The following CADM2 variants were observed in gnomAD, a reference collection of about 807,000 sequenced individuals.
CADM2 encodes immunoglobulin superfamily member 4D.
In CADM2, 12 loss-of-function variants were observed where a neutral mutation model predicts 49.8. The observed-to-expected ratio is 0.24, with a 90% CI of 0.15 to 0.39. CADM2 has a LOEUF of 0.39. Ranked by LOEUF, CADM2 falls within the 10% of genes least tolerant of loss-of-function variation. The pLI, the probability that CADM2 is intolerant of heterozygous loss-of-function variation, is 1.00. For synonymous variants in CADM2, 214 were observed against 175.4 expected (o/e 1.22, Z -1.74); for missense variants, 378 against 492.3 (o/e 0.77, Z 2.20).
intron 1 of CADM2, among the ~76,000 whole-genome samples, chr3:85,329,939 T>G (rs1223003135): frequency 1.3e-5 from 2 of 152,148 alleles, no homozygotes; most frequent in African/African-American, 4.8e-5. Flanking sequence ...GCAAGTACCA[T>G]GTCTCCTTAA....
chr3:85,791,144 A>T (rs2071298634), intron 2 of CADM2, among the ~76,000 whole-genome samples: 1 of 152,174 alleles, frequency 6.6e-6, no homozygotes. Flanking sequence ...AAGTGGAAAC[A>T]TTTTGCACTT....
chr3:85,753,094 C>T (rs1461595274), intron 2 of CADM2, among the ~76,000 whole-genome samples: 1 of 152,014 alleles, frequency 6.6e-6, no homozygotes, highest in Non-Finnish European at 1.5e-5. Context: ...TTTAACATGA[C>T]AGAATTTGTT....
chr3:85,999,997 A>T (rs1729965982), intron 8 of CADM2, among the ~76,000 whole-genome samples: 1 of 152,180 alleles, frequency 6.6e-6, no homozygotes, highest in Non-Finnish European at 1.5e-5. Flanking sequence ...TATATTGTTT[A>T]AAAAAGAGAA....
At chr3:85,065,343 C>G (rs1047317195) in intron 1 of CADM2, among the ~76,000 whole-genome samples, 2 of 151,840 alleles carry the variant, frequency 1.3e-5, no homozygotes, top group Admixed American at 1.3e-4. Flanking sequence ...GTTGCTATTC[C>G]ATTTTCAATT....
intron 3 of CADM2, among the ~76,000 whole-genome samples, chr3:85,811,589 A>G (rs2072881116): frequency 6.6e-6 from 1 of 152,170 alleles, no homozygotes; most frequent in African/African-American, 2.4e-5. Context: ...TTATCTTTTA[A>G]TCATGTGTGT....
At chr3:85,923,537 CAA>C (rs57230094) in intron 6 of CADM2, among the ~76,000 whole-genome samples, 2 of 136,692 alleles carry the variant, frequency 1.5e-5, no homozygotes, top group Non-Finnish European at 1.6e-5. Flanking sequence ...ATCATGAAAG[CAA>C]AAAAAAAAAA....
At chr3:85,778,049 G>A (rs1362364245) in intron 2 of CADM2, among the ~76,000 whole-genome samples, 2 of 152,106 alleles carry the variant, frequency 1.3e-5, no homozygotes, top group African/African-American at 4.8e-5. Context: ...GGCGACCTAG[G>A]ATATTCATAT....
At chr3:85,212,860 T>TCTCTCTC (rs1559723747) in intron 1 of CADM2, among the ~76,000 whole-genome samples, 5 of 114,926 alleles carry the variant, frequency 4.4e-5, no homozygotes, top group Non-Finnish European at 7.5e-5. Context: ...CTTTCTTTCT[T>TCTCTCTC]TCTTTCTTTC....
At chr3:85,404,839 G>A (rs969268107) in intron 1 of CADM2, among the ~76,000 whole-genome samples, 7 of 152,060 alleles carry the variant, frequency 4.6e-5, no homozygotes, top group African/African-American at 9.7e-5. Flanking sequence ...TAAAATTCAC[G>A]TGTTTTAAAG....
chr3:85,156,020 T>C (rs991173490), intron 1 of CADM2, among the ~76,000 whole-genome samples: 1 of 152,084 alleles, frequency 6.6e-6, no homozygotes, highest in Non-Finnish European at 1.5e-5. Context: ...TCCTGCCTAA[T>C]TGCCCTGGCC....
intron 6 of CADM2, among the ~76,000 whole-genome samples, chr3:85,924,006 G>T (rs949163693): frequency 6.6e-6 from 1 of 152,070 alleles, no homozygotes; most frequent in Non-Finnish European, 1.5e-5. Context: ...TGATGAGTTA[G>T]TGGTGAAGTA....
intron 1 of CADM2, among the ~76,000 whole-genome samples, chr3:85,723,325 C>A (rs1367549643): frequency 6.6e-6 from 1 of 152,086 alleles, no homozygotes; most frequent in Admixed American, 6.5e-5. Context: ...TTTATTTTAT[C>A]TATAAACAGT....
chr3:85,414,254 T>C (rs2035810277), intron 1 of CADM2, among the ~76,000 whole-genome samples: 2 of 152,120 alleles, frequency 1.3e-5, no homozygotes, highest in African/African-American at 4.8e-5. Flanking sequence ...AATTCCTCAG[T>C]TAATTAACAA....
At chr3:85,734,549 A>G (rs1559621465) in intron 2 of CADM2, among the ~76,000 whole-genome samples, 1 of 150,160 alleles carries the variant, frequency 6.7e-6, no homozygotes. Context: ...ATATATATAT[A>G]CATATATGAT....
chr3:85,381,593 T>C (rs1401775230), intron 1 of CADM2, among the ~76,000 whole-genome samples: 3 of 148,960 alleles, frequency 2.0e-5, no homozygotes, highest in Admixed American at 6.8e-5. Context: ...ATTCCTTATT[T>C]TTTTTTTTAT....
At chr3:85,173,205 A>G (rs1480293818) in intron 1 of CADM2, among the ~76,000 whole-genome samples, 2 of 151,674 alleles carry the variant, frequency 1.3e-5, no homozygotes, top group Non-Finnish European at 2.9e-5. Flanking sequence ...ATAGATAGAT[A>G]TGGGTATATA....
At chr3:85,485,916 C>T (rs997372831) in intron 1 of CADM2, among the ~76,000 whole-genome samples, 4 of 151,842 alleles carry the variant, frequency 2.6e-5, no homozygotes, top group Non-Finnish European at 5.9e-5. Flanking sequence ...ATTCGAAGAC[C>T]CTGCTAGCAT....
At chr3:85,402,389 A>C (rs569849381) in intron 1 of CADM2, among the ~76,000 whole-genome samples, 2 of 152,120 alleles carry the variant, frequency 1.3e-5, no homozygotes, top group African/African-American at 4.8e-5. Flanking sequence ...ATTGGAAAGG[A>C]CATCAAACTC....
intron 1 of CADM2, among the ~76,000 whole-genome samples, chr3:85,368,243 A>T (rs891072231): frequency 2.0e-5 from 3 of 152,092 alleles, no homozygotes; most frequent in African/African-American, 4.8e-5. Context: ...GAGACATTGT[A>T]TCCTTCACAG....
Sources: allele counts gnomAD v4.1 joint callset (sites outside exome capture counted in the v4.1 genomes callset), GRCh38; gene constraint gnomAD v4.1.1; transcripts MANE v1.5; gene names NCBI Gene and HGNC (gene_info 2026-07-23, HGNC 2026-07-21).